The following NPAS3 variants were observed in gnomAD, a reference collection of about 807,000 sequenced individuals.
NPAS3 encodes the protein neuronal PAS domain-containing protein 3.
A neutral mutation model predicts 73.1 loss-of-function variants in NPAS3; 14 were observed. The observed-to-expected ratio is 0.19, with a 90% CI of 0.13 to 0.30. The LOEUF (loss-of-function observed/expected upper bound fraction) is 0.30, where lower values mean the gene tolerates loss of function less well. Among genes scored for constraint, NPAS3 ranks in the 10% least tolerant of loss-of-function variants. The probability of loss-of-function intolerance (pLI) is 1.00; values close to 1 mark genes in which losing one functional copy is unlikely to be tolerated. For synonymous variants in NPAS3, 620 were observed against 541.5 expected, an observed-to-expected ratio of 1.14 and a Z score of -2.01; for missense variants, 1,096 against 1,250.0, an observed-to-expected ratio of 0.88 and a Z score of 1.86.
chr14:33,097,587 C>G (rs1056849605), intron 2 of NPAS3, among the ~76,000 whole-genome samples: 3 of 152,132 alleles, frequency 2.0e-5, no homozygotes, highest in Non-Finnish European at 2.9e-5. Context: ...ATATGATTAT[C>G]TTTTGTAGAT....
chr14:33,690,901 C>A (rs1457211554), intron 6 of NPAS3, among the ~76,000 whole-genome samples: 1 of 150,018 alleles, frequency 6.7e-6, no homozygotes, highest in East Asian at 2.0e-4. Flanking sequence ...ATTCGTTAAG[C>A]CTATGGTGCT....
At chr14:33,490,995 C>G (rs111699726) in intron 4 of NPAS3, among the ~76,000 whole-genome samples, 2 of 152,194 alleles carry the variant, frequency 1.3e-5, no homozygotes, top group African/African-American at 4.8e-5. Flanking sequence ...GCAACAGCAA[C>G]GGCAGCATCT....
intron 6 of NPAS3, among the ~76,000 whole-genome samples, chr14:33,723,342 T>C (rs528688809): frequency 1.3e-5 from 2 of 152,254 alleles, no homozygotes; most frequent in South Asian, 4.1e-4. Flanking sequence ...GCTGCCGGAT[T>C]TACCAAATAT....
At chr14:33,559,296 GTATTGACATTTCCTGT>G (rs1198031978) in intron 4 of NPAS3, among the ~76,000 whole-genome samples, 2 of 152,202 alleles carry the variant, frequency 1.3e-5, no homozygotes, top group African/African-American at 2.4e-5. Context: ...ATCCCTTAAT[GTATTGACATTTCCTGT>G]TGTTCTAACA....
At chr14:33,283,130 C>G (rs1284679883) in intron 3 of NPAS3, among the ~76,000 whole-genome samples, 4 of 152,154 alleles carry the variant, frequency 2.6e-5, no homozygotes, top group Admixed American at 2.6e-4. Context: ...AAGGCTTGTT[C>G]CATAATTGCT....
chr14:33,789,483 T>C (rs2063282227), intron 9 of NPAS3, among the ~76,000 whole-genome samples: 1 of 152,148 alleles, frequency 6.6e-6, no homozygotes, highest in South Asian at 2.1e-4. Flanking sequence ...TGCAAGTGTA[T>C]TTATCCTCTC....
At chr14:33,650,019 A>G (rs779207382) in intron 5 of NPAS3, among the ~76,000 whole-genome samples, 2 of 152,226 alleles carry the variant, frequency 1.3e-5, no homozygotes, top group African/African-American at 2.4e-5. Flanking sequence ...CCTGTTTAGA[A>G]TACAGATTCC....
chr14:33,137,368 A>T (rs2043878960), intron 2 of NPAS3, among the ~76,000 whole-genome samples: 1 of 152,146 alleles, frequency 6.6e-6, no homozygotes, highest in South Asian at 2.1e-4. Context: ...AAACTGAATC[A>T]TTTACATGGC....
At chr14:33,489,224 T>C (rs1447221920) in intron 4 of NPAS3, among the ~76,000 whole-genome samples, 2 of 152,200 alleles carry the variant, frequency 1.3e-5, no homozygotes, top group African/African-American at 4.8e-5. Context: ...TGTGTACAAT[T>C]TCTACTCTTT....
intron 3 of NPAS3, among the ~76,000 whole-genome samples, chr14:33,284,548 C>T (rs2041783195): frequency 6.6e-6 from 1 of 152,074 alleles, no homozygotes; most frequent in African/African-American, 2.4e-5. Context: ...AAATCTGCCA[C>T]ATTATATGCA....
intron 2 of NPAS3, among the ~76,000 whole-genome samples, chr14:33,149,844 G>A (rs996714898): frequency 6.6e-6 from 1 of 152,086 alleles, no homozygotes; most frequent in Non-Finnish European, 1.5e-5. Flanking sequence ...GTGCAGGTTT[G>A]TTACATAGGT....
chr14:33,220,570 G>T (rs1398862700), intron 3 of NPAS3, among the ~76,000 whole-genome samples: 1 of 152,032 alleles, frequency 6.6e-6, no homozygotes, highest in African/African-American at 2.4e-5. Flanking sequence ...TTATATCACC[G>T]CATTTCCCAA....
intron 9 of NPAS3, among the ~76,000 whole-genome samples, chr14:33,790,250 T>C (rs142735571): frequency 6.0e-4 from 91 of 152,360 alleles, no homozygotes; most frequent in African/African-American, 2.1e-3. Flanking sequence ...GTGGTGCTTA[T>C]TTTTGTTATT....
At chr14:33,676,768 G>A (rs950330765) in intron 6 of NPAS3, among the ~76,000 whole-genome samples, 3 of 152,192 alleles carry the variant, frequency 2.0e-5, no homozygotes, top group East Asian at 1.9e-4. Context: ...ATAGTAGCTC[G>A]TGGAGAATTA....
intron 5 of NPAS3, among the ~76,000 whole-genome samples, chr14:33,635,939 G>A (rs1163226612): frequency 6.6e-6 from 1 of 152,048 alleles, no homozygotes; most frequent in Non-Finnish European, 1.5e-5. Context: ...CTGTAAACAC[G>A]ACTAGACCTA....
chr14:33,209,461 G>A (rs996741864), intron 2 of NPAS3, among the ~76,000 whole-genome samples: 1 of 152,218 alleles, frequency 6.6e-6, no homozygotes, highest in East Asian at 1.9e-4. Flanking sequence ...GCTCATGTTA[G>A]GGCAAGTGTA....
intron 4 of NPAS3, among the ~76,000 whole-genome samples, chr14:33,502,625 GA>G (rs200478394): frequency 1.4e-5 from 2 of 141,672 alleles, no homozygotes; most frequent in Non-Finnish European, 3.1e-5. Context: ...CCCCTGTTAT[GA>G]AGTAGTATTT....
chr14:32,999,353 T>C (rs761321952), intron 1 of NPAS3, among the ~76,000 whole-genome samples: 2 of 151,904 alleles, frequency 1.3e-5, no homozygotes, highest in African/African-American at 2.4e-5. Context: ...CTACTAAAAA[T>C]ACAAAAAATT....
intron 4 of NPAS3, among the ~76,000 whole-genome samples, chr14:33,555,937 A>G (rs2055337656): frequency 6.6e-6 from 1 of 151,558 alleles, no homozygotes; most frequent in Non-Finnish European, 1.5e-5. Context: ...GTGATGACTA[A>G]CAACTAATTT....
Sources: allele counts gnomAD v4.1 joint callset (sites outside exome capture counted in the v4.1 genomes callset), GRCh38; gene constraint gnomAD v4.1.1; transcripts MANE v1.5; gene names NCBI Gene and HGNC (gene_info 2026-07-23, HGNC 2026-07-21).